BICC1: variants seen among roughly 807,000 people sequenced by gnomAD.
BICC1 encodes the protein protein bicaudal C homolog 1.
A neutral mutation model predicts 111.0 loss-of-function variants in BICC1; 43 were observed. That is an observed-to-expected ratio of 0.39 (90% CI 0.30 to 0.50). The LOEUF (loss-of-function observed/expected upper bound fraction) is 0.50, where lower values mean the gene tolerates loss of function less well. Among genes scored for constraint, BICC1 ranks in the 20% least tolerant of loss-of-function variants. The pLI, the probability that BICC1 is intolerant of heterozygous loss-of-function variation, is 0.88. For missense variants in BICC1, 1,091 were observed against 1,203.2 expected (o/e 0.91, Z 1.38); for synonymous variants, 467 against 434.4 (o/e 1.07, Z -0.93).
chr10:58,795,250 G>A (rs765491670), intron 9 of BICC1, among the ~76,000 whole-genome samples: 24 of 152,020 alleles, frequency 1.6e-4, no homozygotes, highest in Admixed American at 6.6e-5. Flanking sequence ...TGTGGTAATC[G>A]CTGTCCAACT....
chr10:58,674,777 G>C (rs1161326491), intron 2 of BICC1, among the ~76,000 whole-genome samples: 1 of 152,054 alleles, frequency 6.6e-6, no homozygotes, highest in African/African-American at 2.4e-5. Context: ...AGGACAGTTT[G>C]AATAAAGCAA....
At chr10:58,677,210 T>C (rs980831142) in intron 2 of BICC1, among the ~76,000 whole-genome samples, 5 of 152,212 alleles carry the variant, frequency 3.3e-5, no homozygotes, top group African/African-American at 9.6e-5. Flanking sequence ...GTTTGATGAA[T>C]TGACAGAAGT....
At position 58,573,333 on chromosome 10, in the gene BICC1, G is replaced by A. The variant is rs1461698288; in HGVS notation, c.191-47522G>A. Among the ~76,000 whole-genome samples, 3 of 152,136 alleles carry A rather than the reference G, an allele frequency of 2.0e-5. No individual in the cohort carries two copies. In the East Asian group the frequency reaches 5.8e-4, roughly 29 times the overall value. ...CAACACAAACTCCAATCTGGCTTTTGTCATTACTGAAGATACTGATTTTGC... is the reference window on the plus strand; with the variant it reads ...CAACACAAACTCCAATCTGGCTTTTATCATTACTGAAGATACTGATTTTGC... On this transcript the variant is annotated intron_variant, in intron 1 of 20. Coordinates refer to ENST00000373886, the MANE Select transcript of BICC1 (RefSeq NM_001080512.3).
intron 3 of BICC1, among the ~76,000 whole-genome samples, chr10:58,727,212 CTTT>C (rs974613021): frequency 3.9e-5 from 6 of 151,914 alleles, no homozygotes; most frequent in African/African-American, 1.5e-4. Flanking sequence ...GATTTAAATT[CTTT>C]ATTTTATTCA....
intron 3 of BICC1, among the ~76,000 whole-genome samples, chr10:58,784,099 A>G (rs1842948089): frequency 6.6e-6 from 1 of 152,042 alleles, no homozygotes; most frequent in South Asian, 2.1e-4. Context: ...GTACTTCCTC[A>G]TCTTTTTGTG....
At chr10:58,812,700 A>C (rs1843950214) in intron 17 of BICC1, among the ~76,000 whole-genome samples, 2 of 150,904 alleles carry the variant, frequency 1.3e-5, no homozygotes, top group Non-Finnish European at 1.5e-5. Flanking sequence ...CTGTTCTTAA[A>C]CTCCTGACCT....
At chr10:58,724,003 A>C (rs1472017091) in intron 3 of BICC1, among the ~76,000 whole-genome samples, 1 of 152,194 alleles carries the variant, frequency 6.6e-6, no homozygotes, top group Admixed American at 6.6e-5. Flanking sequence ...TAGTGTCAAC[A>C]TGATGAGTTT....
intron 2 of BICC1, among the ~76,000 whole-genome samples, chr10:58,648,913 C>G (rs1838354997): frequency 6.6e-6 from 1 of 152,164 alleles, no homozygotes; most frequent in Non-Finnish European, 1.5e-5. Flanking sequence ...CCATGTGGCC[C>G]TGGCATTCTG....
At chr10:58,741,113 C>G (rs1174578677) in intron 3 of BICC1, among the ~76,000 whole-genome samples, 4 of 152,128 alleles carry the variant, frequency 2.6e-5, no homozygotes, top group African/African-American at 4.8e-5. Context: ...GAAGGCAGTG[C>G]TCACATTTGT....
intron 1 of BICC1, among the ~76,000 whole-genome samples, chr10:58,535,095 C>T (rs1842791871): frequency 6.6e-6 from 1 of 151,230 alleles, no homozygotes. Context: ...TGGGATTATG[C>T]AAAACAGACA....
intron 2 of BICC1, among the ~76,000 whole-genome samples, chr10:58,672,156 T>C (rs932192686): frequency 6.6e-6 from 1 of 152,168 alleles, no homozygotes; most frequent in Non-Finnish European, 1.5e-5. Context: ...TATATTCACA[T>C]TGTTGTGCAA....
chr10:58,537,637 C>T (rs1842857526), intron 1 of BICC1, among the ~76,000 whole-genome samples: 1 of 151,658 alleles, frequency 6.6e-6, no homozygotes, highest in African/African-American at 2.4e-5. Context: ...CTAGCCAGAG[C>T]AATCAGGCAA....
intron 3 of BICC1, among the ~76,000 whole-genome samples, chr10:58,760,395 G>A (rs1433677414): frequency 1.3e-5 from 2 of 152,116 alleles, no homozygotes; most frequent in Non-Finnish European, 2.9e-5. Context: ...AAGCTCACAT[G>A]TACATTCCAG....
chr10:58,605,030 A>G (rs1321651803), intron 1 of BICC1, among the ~76,000 whole-genome samples: 1 of 152,140 alleles, frequency 6.6e-6, no homozygotes, highest in African/African-American at 2.4e-5. Context: ...ATGACTTCCC[A>G]AGGGCCCCAC....
At chr10:58,645,861 G>A (rs956442643) in intron 2 of BICC1, among the ~76,000 whole-genome samples, 1 of 152,140 alleles carries the variant, frequency 6.6e-6, no homozygotes, top group African/African-American at 2.4e-5. Flanking sequence ...TTTATTTGGT[G>A]TTCTCCTTTC....
At position 58,707,687 on chromosome 10, in the gene BICC1, G is replaced by A. The variant is rs192756696; in HGVS notation, c.307+5544G>A. ...TGGGACTACAGGCACACACCACCAC[G>A]CCCAGCTTATTATTATTATTATTAT... On this transcript the variant is annotated intron_variant, in intron 3 of 20. Coordinates refer to ENST00000373886, the MANE Select transcript of BICC1 (RefSeq NM_001080512.3). 1.2e-3 allele frequency among the ~76,000 whole-genome samples: 175 copies of A among 151,704 alleles called. 1 individual carries two copies. The highest frequency in any genetic ancestry group is 3.3e-3 in the South Asian group (16 of 4,784).
At position 58,812,482 on chromosome 10, in the gene BICC1, C is replaced by CT. The variant is rs113293082; in HGVS notation, c.2377-1334dup. On this transcript the variant is annotated intron_variant, in intron 17 of 20. Transcript: ENST00000373886. ...TTCTAAATTTCTTTTCTTTTCTTTT[C>CT]TTTTTTTTTTTTTTGAGACAGAGTC... Among the ~76,000 whole-genome samples, 839 of 142,026 alleles carry CT rather than the reference C, an allele frequency of 5.9e-3. 7 individuals are homozygous for CT. Among genetic ancestry groups the CT allele is most frequent in the African/African-American group, 0.013 (518 of 39,038 alleles). 93.2% of individuals were successfully genotyped at this position (142,026 alleles called of 152,430 possible).
At chr10:58,769,376 ATGTGTGTG>A (rs71006205) in intron 3 of BICC1, among the ~76,000 whole-genome samples, 18 of 73,346 alleles carry the variant, frequency 2.5e-4, no homozygotes, top group African/African-American at 6.2e-4. Flanking sequence ...TTTATAATGT[ATGTGTGTG>A]TGTGTGTGTG....
chr10:58,667,516 GA>G (rs1172043194), intron 2 of BICC1, among the ~76,000 whole-genome samples: 3 of 466 alleles, frequency 6.4e-3, no homozygotes, highest in Non-Finnish European at 0.015. Context: ...CAAAGGTCTG[GA>G]TGGTGTTACC....
Sources: allele counts gnomAD v4.1 joint callset (sites outside exome capture counted in the v4.1 genomes callset), GRCh38; gene constraint gnomAD v4.1.1; transcripts MANE v1.5; gene names NCBI Gene and HGNC (gene_info 2026-07-23, HGNC 2026-07-21).